Variants in GPRIN1 observed in about 807,000 individuals in gnomAD.
The protein encoded by GPRIN1 is G protein-regulated inducer of neurite outgrowth 1.
Under a neutral mutation model 2.8 loss-of-function variants are expected in GPRIN1, and 4 were observed. The ratio of observed to expected loss-of-function variants is 1.45; its 90% CI spans 0.71 to 3.32. GPRIN1 has a LOEUF of 3.32. Among genes scored for constraint, GPRIN1 ranks in the 30% most tolerant of loss-of-function variants. GPRIN1 has a pLI of 0.01. For synonymous variants in GPRIN1, 589 were observed against 589.9 expected, an observed-to-expected ratio of 1.00 and a Z score of 0.02; for missense variants, 1,322 against 1,343.4, an observed-to-expected ratio of 0.98 and a Z score of 0.25.
chr5:176,603,049 G>A (rs143170271), intron 1 of GPRIN1, among the ~76,000 whole-genome samples: 2 of 152,224 alleles, frequency 1.3e-5, no homozygotes, highest in African/African-American at 4.8e-5. Flanking sequence ...CCTTTGTGAT[G>A]TTTAAATTGT....
In GPRIN1 at chr5:176,597,558, C is replaced by T; in HGVS notation, c.2277G>A (p.Glu759=). The T allele has an allele frequency of 6.4e-7, 1 of 1,570,612 alleles. No individual in the cohort carries two copies. Among genetic ancestry groups the T allele is most frequent in the Non-Finnish European group, 8.6e-7 (1 of 1,164,164 alleles). The change falls in exon 2 of 2, where the codon GAG becomes GAA. Residue 759 remains glutamate, a synonymous_variant. Transcript: ENST00000303991. The surrounding 1 kb of genome is among the most constrained non-coding windows in gnomAD (Gnocchi z 6.1). ...EPKAEPVSST[E]ASSLGQKDLE... The stretch of plus-strand genomic sequence containing the variant: ...GGTCTTTCTGGCCGAGACTGGAGGC[C>T]TCGGTGCTGGACACGGGCTCGGCCT...
Position 176,597,154 on chromosome 5 carries a change from C to A in GPRIN1, c.2681G>T (p.Gly894Val). The change falls in exon 2 of 2, where the codon GGC (glycine) becomes GTC (valine). Residue 894 changes from glycine to valine, a missense_variant. Around this residue, in one of 3 missense-constraint regions of GPRIN1, gnomAD observed 196 missense variants for 189.2 expected, o/e 1.04. Transcript: ENST00000303991. The surrounding 1 kb of genome is among the most constrained non-coding windows in gnomAD (Gnocchi z 6.1). ...CGCTACAGCGGCCGCCAGCGCTGAG[C>A]CGGGCCGCACCCGCACTTCGGGGAA... ...PAFPEVRVRP[G>V]SALAAAVAPP... 2 of 1,406,066 alleles carry A rather than the reference C, an allele frequency of 1.4e-6. No individual in the cohort carries two copies. The highest frequency in any genetic ancestry group is 1.6e-5 in the South Asian group (1 of 62,594). The allele number at this position is 1,406,066 out of a possible 1,614,324, so 87.1% of individuals were successfully genotyped here.
In GPRIN1 at chr5:176,598,615, T is replaced by G. The variant is rs965844930; in HGVS notation, c.1220A>C (p.Asn407Thr). 2 of 1,614,036 alleles carry G rather than the reference T, an allele frequency of 1.2e-6. No individual in the cohort carries two copies. The highest frequency in any genetic ancestry group is 1.7e-6 in the Non-Finnish European group (2 of 1,180,030). Reference protein sequence around the residue: ...SAKTDLTSLKNVDPMSSGKVD... With the variant: ...SAKTDLTSLKTVDPMSSGKVD... Reference sequence around the variant, plus strand: ...CTTGCCTGAAGACATGGGATCCACATTTTTCAAAGATGTGAGATCTGTCTT... The same window carrying G: ...CTTGCCTGAAGACATGGGATCCACAGTTTTCAAAGATGTGAGATCTGTCTT... The change falls in exon 2 of 2, where the codon AAT becomes ACT. Residue 407 changes from asparagine to threonine, a missense_variant. Physicochemically the swap from Asn to Thr is moderately conservative, Grantham distance 65. This residue lies in a region of GPRIN1 where 1,117 missense variants were observed against 1,128.6 expected (regional missense o/e 0.99). Transcript: ENST00000303991.
At chr5:176,603,215 A>G (rs1759172920) in intron 1 of GPRIN1, among the ~76,000 whole-genome samples, 1 of 150,312 alleles carries the variant, frequency 6.7e-6, no homozygotes, top group Non-Finnish European at 1.5e-5. Context: ...TTCATTACCC[A>G]CTCCCACCCC....
chr5:176,597,598 C>A lies in GPRIN1; in HGVS notation c.2237G>T (p.Gly746Val). 1 of 1,598,254 alleles carries A rather than the reference C, an allele frequency of 6.3e-7. No homozygotes were observed. Among genetic ancestry groups the A allele is most frequent in the South Asian group, 1.1e-5 (1 of 90,756 alleles). ...GGGCTCGGCCTTCGGCTCCACGCGG[C>A]CTTCACTGCCCCTGGCACCCTCGGG... ...RSPEGARGSEGRVEPKAEPVS... is the reference protein window; with the variant it reads ...RSPEGARGSEVRVEPKAEPVS... The change falls in exon 2 of 2, where the codon GGC becomes GTC. Residue 746 changes from glycine (G) to valine (V), a missense_variant. Physicochemically the swap from Gly to Val is moderately radical, Grantham distance 109. Around this residue, in one of 3 missense-constraint regions of GPRIN1, gnomAD observed 1,117 missense variants for 1,128.6 expected, o/e 0.99. Transcript: ENST00000303991. This position sits in a 1 kb window ranked among gnomAD's most constrained non-coding sequence, Gnocchi z 6.1.
At chr5:176,609,773 C>CCCCCGCCCCGCCCCG (rs565734795) in intron 1 of GPRIN1, among the ~76,000 whole-genome samples, 7 of 148,942 alleles carry the variant, frequency 4.7e-5, no homozygotes, top group Admixed American at 1.3e-4. Flanking sequence ...GCGGGACCCG[C>CCCCCGCCCCGCCCCG]CCCCGCCCCG....
chr5:176,599,249 C>T lies in GPRIN1; in HGVS notation c.586G>A (p.Val196Met). ...EPEILGKGDP[V>M]APGRMDPMTV... ...ATGGGATCCATCCTTCCAGGAGCCA[C>T]AGGATCCCCCTTTCCCAAGATTTCA... is the stretch of plus-strand genomic sequence containing the variant. The change falls in exon 2 of 2, where the codon GTG becomes ATG. Residue 196 changes from valine (V) to methionine (M), a missense_variant. By Grantham distance (21) the Val-to-Met change is conservative (BLOSUM62 1). Around this residue, in one of 3 missense-constraint regions of GPRIN1, gnomAD observed 1,117 missense variants for 1,128.6 expected, o/e 0.99. Transcript: ENST00000303991. 6.2e-7 allele frequency: 1 copy of T among 1,613,996 alleles called. No individual in the cohort carries two copies. The highest frequency in any genetic ancestry group is 1.1e-5 in the South Asian group (1 of 91,084).
Position 176,598,913 on chromosome 5 carries a change from C to A in GPRIN1, c.922G>T (p.Ala308Ser). 6.2e-7 allele frequency: 1 copy of A among 1,614,104 alleles called. No homozygotes were observed. The highest frequency in any genetic ancestry group is 8.5e-7 in the Non-Finnish European group (1 of 1,179,972). The part of the protein sequence containing the change: ...DPMPLESMDS[A>S]STGKTEPGLL... The stretch of plus-strand genomic sequence containing the variant: ...CCCGGCTCTGTCTTTCCTGTGGACG[C>A]AGAATCCATGCTTTCCAAGGGCATG... The change falls in exon 2 of 2, where the codon GCG becomes TCG. Residue 308 changes from alanine to serine, a missense_variant. Coordinates refer to ENST00000303991, the MANE Select transcript of GPRIN1 (RefSeq NM_052899.3).
chr5:176,598,599 AG>A lies in GPRIN1; in HGVS notation c.1235del (p.Ser412PhefsTer68). 1 of 1,614,112 alleles carries A rather than the reference AG, an allele frequency of 6.2e-7. No homozygotes were observed. Among genetic ancestry groups the A allele is most frequent in the Non-Finnish European group, 8.5e-7 (1 of 1,180,024 alleles). ...LTSLKNVDPM[S>X]SGKVDPVSLG... ...GAGAAACTGGATCCACCTTGCCTGA[AG>A]ACATGGGATCCACATTTTTCAAAGA... On this transcript the variant is annotated frameshift_variant, in exon 2 of 2. Coordinates refer to ENST00000303991, the MANE Select transcript of GPRIN1 (RefSeq NM_052899.3). LOFTEE classifies it low-confidence loss of function (END_TRUNC).
chr5:176,606,046 C>T (rs1401019807), intron 1 of GPRIN1, among the ~76,000 whole-genome samples: 1 of 152,158 alleles, frequency 6.6e-6, no homozygotes, highest in African/African-American at 2.4e-5. Context: ...CCTCACACAC[C>T]AGCCCAGCCA....
chr5:176,607,633 T>C (rs567029353), intron 1 of GPRIN1, among the ~76,000 whole-genome samples: 1 of 152,292 alleles, frequency 6.6e-6, no homozygotes, highest in South Asian at 2.1e-4. Flanking sequence ...CATGAGCCAC[T>C]GCACCCGGTC....
chr5:176,607,219 A>T (rs1379944324), intron 1 of GPRIN1, among the ~76,000 whole-genome samples: 1 of 152,046 alleles, frequency 6.6e-6, no homozygotes, highest in African/African-American at 2.4e-5. Flanking sequence ...CCCTTCCTGG[A>T]TCTTGGGGAG....
chr5:176,609,107 G>C (rs1759270069), intron 1 of GPRIN1, among the ~76,000 whole-genome samples: 1 of 152,228 alleles, frequency 6.6e-6, no homozygotes, highest in South Asian at 2.1e-4. Context: ...GTGCAAACGT[G>C]GGCCAGTGTG....
rs1420835164 is a variant in GPRIN1, at chr5:176,597,781, T to G, written c.2054A>C (p.Lys685Thr). 1.2e-6 allele frequency: 2 copies of G among 1,604,898 alleles called. No individual in the cohort carries two copies. Among genetic ancestry groups the G allele is most frequent in the Non-Finnish European group, 1.7e-6 (2 of 1,175,504 alleles). ...CRKAEPLASG[K>T]GEPVSLGKAD... ...TTTCCCCAGGGACACAGGCTCTCCC[T>G]TCCCTGAGGCAAGGGGCTCTGCTTT... The change falls in exon 2 of 2, where the codon AAG becomes ACG. Residue 685 changes from lysine (K) to threonine (T), a missense_variant. Physicochemically the swap from Lys to Thr is moderately conservative, Grantham distance 78. Around this residue, in one of 3 missense-constraint regions of GPRIN1, gnomAD observed 1,117 missense variants for 1,128.6 expected, o/e 0.99. Transcript: ENST00000303991. This position sits in a 1 kb window ranked among gnomAD's most constrained non-coding sequence, Gnocchi z 6.1.
At position 176,597,516 on chromosome 5, in the gene GPRIN1, G is replaced by T; in HGVS notation, c.2319C>A (p.Ala773=). 1 of 1,476,770 alleles carries T rather than the reference G, an allele frequency of 6.8e-7. No individual in the cohort carries two copies. 91.5% of individuals were successfully genotyped at this position (1,476,770 alleles called of 1,614,324 possible). ...LGQKDLEAAG[A]ERSPCPEAAA... ...CGGCCTCTGGGCAGGGGCTTCTCTCGGCCCCAGCGGCTTCCAGGTCTTTCT... is the reference window on the plus strand; with the variant it reads ...CGGCCTCTGGGCAGGGGCTTCTCTCTGCCCCAGCGGCTTCCAGGTCTTTCT... The change falls in exon 2 of 2, where the codon GCC becomes GCA. Residue 773 remains alanine (A), a synonymous_variant. Transcript: ENST00000303991. The surrounding 1 kb of genome is among the most constrained non-coding windows in gnomAD (Gnocchi z 6.1).
rs764550111 is a variant in GPRIN1, at chr5:176,598,195, G to C, written c.1640C>G (p.Ala547Gly). ...PTASGKAEPL[A>G]VGKEDPVSKG... ...GCTCACAGGGTCCTCCTTGCCCACCGCGAGGGGCTCGGCCTTCCCTGAGGC... is the reference window on the plus strand; with the variant it reads ...GCTCACAGGGTCCTCCTTGCCCACCCCGAGGGGCTCGGCCTTCCCTGAGGC... The change falls in exon 2 of 2, where the codon GCG becomes GGG. Residue 547 changes from alanine to glycine, a missense_variant. Ala to Gly is a moderately conservative substitution (Grantham distance 60). This residue lies in a region of GPRIN1 where 1,117 missense variants were observed against 1,128.6 expected (regional missense o/e 0.99). Transcript: ENST00000303991. 1.2e-6 allele frequency: 2 copies of C among 1,612,512 alleles called. No individual in the cohort carries two copies. The highest frequency in any genetic ancestry group is 3.3e-5 in the Admixed American group (2 of 60,014).
In GPRIN1 at chr5:176,598,549, G is replaced by A. The variant is rs763602543; in HGVS notation, c.1286C>T (p.Ser429Leu). 1 of 1,614,130 alleles carries A rather than the reference G, an allele frequency of 6.2e-7. No individual in the cohort carries two copies. The highest frequency in any genetic ancestry group is 8.5e-7 in the Non-Finnish European group (1 of 1,180,038). The change falls in exon 2 of 2, where the codon TCA becomes TTA. Residue 429 changes from serine (S) to leucine (L), a missense_variant. Around this residue, in one of 3 missense-constraint regions of GPRIN1, gnomAD observed 1,117 missense variants for 1,128.6 expected, o/e 0.99. Coordinates refer to ENST00000303991, the MANE Select transcript of GPRIN1 (RefSeq NM_052899.3). ...VSLGKMDPMCSGKPELLSPGQ... is the reference protein window; with the variant it reads ...VSLGKMDPMCLGKPELLSPGQ... ...AGGAGACAAGAGCTCTGGCTTTCCT[G>A]AGCACATGGGGTCCATCTTTCCCAG... is the stretch of plus-strand genomic sequence containing the variant.
chr5:176,609,583 T>TCG (rs1474614259), intron 1 of GPRIN1, among the ~76,000 whole-genome samples: 3 of 152,032 alleles, frequency 2.0e-5, no homozygotes, highest in Non-Finnish European at 4.4e-5. Context: ...AGCGTTGAGC[T>TCG]CGCTCCGGGG....
Position 176,597,953 on chromosome 5 carries a change from C to T in GPRIN1, c.1882G>A (p.Gly628Arg). The T allele has an allele frequency of 6.2e-7, 1 of 1,614,042 alleles. No individual in the cohort carries two copies. Among genetic ancestry groups the T allele is most frequent in the Non-Finnish European group, 8.5e-7 (1 of 1,180,022 alleles). ...CCACCAGACTGCGGCTGTGCTTTCC[C>T]CGAGGCCCTGGGATCCGCCTTTGTG... ...TTTKADPRAS[G>R]KAQPQSGGKA... The change falls in exon 2 of 2, where the codon GGG (glycine) becomes AGG (arginine). Residue 628 changes from glycine (G) to arginine (R), a missense_variant. Physicochemically the swap from Gly to Arg is moderately radical, Grantham distance 125. This residue lies in a region of GPRIN1 where 1,117 missense variants were observed against 1,128.6 expected (regional missense o/e 0.99). Transcript: ENST00000303991. The surrounding 1 kb of genome is among the most constrained non-coding windows in gnomAD (Gnocchi z 6.1).
Sources: allele counts gnomAD v4.1 joint callset (sites outside exome capture counted in the v4.1 genomes callset), GRCh38; gene constraint gnomAD v4.1.1; regional missense constraint gnomAD v4.1.1; non-coding constraint Gnocchi (gnomAD v3.1); transcripts MANE v1.5; gene names NCBI Gene and HGNC (gene_info 2026-07-23, HGNC 2026-07-21).